The following FRAS1 variants were observed in gnomAD, a reference collection of about 807,000 sequenced individuals.
The protein encoded by FRAS1 is Fraser extracellular matrix complex subunit 1.
Under a neutral mutation model 435.2 loss-of-function variants are expected in FRAS1, and 290 were observed. The ratio of observed to expected loss-of-function variants is 0.67; its 90% confidence interval spans 0.61 to 0.73. The LOEUF (loss-of-function observed/expected upper bound fraction) is 0.73. Among genes scored for constraint, FRAS1 ranks in the 30% least tolerant of loss-of-function variants. The pLI is 0.00. For synonymous variants in FRAS1, 1,800 were observed against 1,851.0 expected (o/e 0.97, Z 0.71); for missense variants, 4,860 against 5,001.5 (o/e 0.97, Z 0.85).
intron 19 of FRAS1, among the ~76,000 whole-genome samples, chr4:78,335,158 G>A (rs2110262188): frequency 6.6e-6 from 1 of 152,248 alleles, no homozygotes; most frequent in Non-Finnish European, 1.5e-5. Flanking sequence ...GTACTGCTCT[G>A]GTTGTCAATT....
In FRAS1 at chr4:78,175,848, C is replaced by T. The variant is rs114388499; in HGVS notation, c.109-61662C>T. 4.4e-3 allele frequency among the ~76,000 whole-genome samples: 668 copies of T among 152,232 alleles called. 6 individuals are homozygous for T. Among genetic ancestry groups the T allele is most frequent in the African/African-American group, 0.016 (648 of 41,532 alleles). ...CCAAATCCTTCTGGAAGCCTGCTGA[C>T]GTGGTCCATGCAGGCCAGCATGCCT... On this transcript the variant is annotated intron_variant, in intron 2 of 73. Transcript: ENST00000512123.
chr4:78,065,121 TTATACTATATATTATATA>T (rs1560504391), intron 1 of FRAS1, among the ~76,000 whole-genome samples: 1 of 133,334 alleles, frequency 7.5e-6, no homozygotes, highest in Non-Finnish European at 1.6e-5. Flanking sequence ...CATATGCTAT[TTATACTATATATTATATA>T]TATACTATAT....
intron 2 of FRAS1, among the ~76,000 whole-genome samples, chr4:78,101,645 G>C (rs889265271): frequency 5.3e-5 from 8 of 152,050 alleles, no homozygotes; most frequent in Admixed American, 3.3e-4. Context: ...GAATTTCCAG[G>C]CCTGATATTC....
Position 78,522,696 on chromosome 4 carries a change from G to A in FRAS1, c.10696G>A (p.Val3566Ile), listed in dbSNP as rs931606. 0.54 allele frequency: 874,198 copies of A among 1,606,372 alleles called. 239,713 individuals are homozygous for A. Among genetic ancestry groups the A allele is most frequent in the Middle Eastern group, 0.61 (3,689 of 6,050 alleles). Residue 3566 changes from valine (V) to isoleucine (I), a missense_variant, in exon 69 of 74, where the codon GTA becomes ATA. Val to Ile is a conservative substitution (Grantham distance 29, BLOSUM62 3). Coordinates refer to ENST00000512123, the MANE Select transcript of FRAS1 (RefSeq NM_025074.7). ...CACTCTCCCAGAAGTGAAATCTTTC[G>A]TATTGACTCCAGACCACCTAGGAGG... ...HHTLPEVKSF[V>I]LTPDHLGGIE...
At chr4:78,069,018 A>C (rs1215185552) in intron 2 of FRAS1, among the ~76,000 whole-genome samples, 1 of 152,218 alleles carries the variant, frequency 6.6e-6, no homozygotes, top group African/African-American at 2.4e-5. Context: ...ATATGATTCT[A>C]GGATTCTCTG....
intron 15 of FRAS1, among the ~76,000 whole-genome samples, chr4:78,314,467 C>G (rs1390442384): frequency 6.6e-6 from 1 of 152,174 alleles, no homozygotes; most frequent in Non-Finnish European, 1.5e-5. Flanking sequence ...GATTCATGCT[C>G]CTTGCCATGG....
chr4:78,245,777 G>T (rs1725214030), intron 4 of FRAS1, among the ~76,000 whole-genome samples: 1 of 152,140 alleles, frequency 6.6e-6, no homozygotes, highest in Non-Finnish European at 1.5e-5. Context: ...CTGGTCTTCT[G>T]ACTCCTAATT....
Position 78,375,845 on chromosome 4 carries a change from C to A in FRAS1, c.3258C>A (p.Gly1086=). The change falls in exon 26 of 74, where the codon GGC becomes GGA. Residue 1086 remains glycine, a synonymous_variant. Coordinates refer to ENST00000512123, the MANE Select transcript of FRAS1 (RefSeq NM_025074.7). ...SGLCVYNCVP[G]FSVHTSNETC... is the part of the protein sequence containing the mutation. ...TCTGTGTTTACAACTGTGTTCCTGG[C>A]TTTTCTGTCCACACCTCTAATGAAA... 6.2e-7 allele frequency: 1 copy of A among 1,613,830 alleles called. No homozygotes were observed.
At chr4:78,378,523 T>G (rs1731875188) in intron 26 of FRAS1, among the ~76,000 whole-genome samples, 1 of 152,122 alleles carries the variant, frequency 6.6e-6, no homozygotes, top group African/African-American at 2.4e-5. Flanking sequence ...GACTACACCA[T>G]TTTACACTCC....
intron 38 of FRAS1, among the ~76,000 whole-genome samples, chr4:78,437,442 C>CT (rs1734473466): frequency 6.6e-6 from 1 of 152,304 alleles, no homozygotes; most frequent in East Asian, 1.9e-4. Context: ...TTAGGGAAAA[C>CT]TTTCTGAAGT....
chr4:78,257,326 A>G (rs955761768), intron 6 of FRAS1, among the ~76,000 whole-genome samples: 2 of 152,198 alleles, frequency 1.3e-5, no homozygotes, highest in Admixed American at 1.3e-4. Flanking sequence ...TGCAAAAGTA[A>G]TGGCCATTAC....
intron 20 of FRAS1, among the ~76,000 whole-genome samples, chr4:78,347,787 GTTT>G (rs554835851): frequency 0.25 from 13,771 of 54,832 alleles, 756 homozygotes; most frequent in Non-Finnish European, 0.28. Flanking sequence ...GTGTGTGTGT[GTTT>G]TTTTTTTTTT....
chr4:78,506,527 A>T (rs913380405), intron 61 of FRAS1, among the ~76,000 whole-genome samples: 1 of 135,748 alleles, frequency 7.4e-6, no homozygotes, highest in Non-Finnish European at 1.6e-5. Context: ...AGCAGCGAGC[A>T]AAGCTCCATG....
intron 4 of FRAS1, among the ~76,000 whole-genome samples, chr4:78,250,454 A>G (rs1371256688): frequency 6.6e-6 from 1 of 152,180 alleles, no homozygotes; most frequent in East Asian, 1.9e-4. Flanking sequence ...AATATTTTCA[A>G]TTTCACTATA....
chr4:78,203,405 C>A (rs1723126145), intron 2 of FRAS1, among the ~76,000 whole-genome samples: 1 of 152,080 alleles, frequency 6.6e-6, no homozygotes, highest in South Asian at 2.1e-4. Flanking sequence ...TTGTAACCCC[C>A]AAATCAATAC....
At chr4:78,127,971 C>T (rs113497393) in intron 2 of FRAS1, among the ~76,000 whole-genome samples, 40 of 145,498 alleles carry the variant, frequency 2.7e-4, no homozygotes, top group African/African-American at 9.4e-4. Context: ...TCTCATTGTT[C>T]GATTCCCACC....
At chr4:78,453,382 T>G (rs1719085850) in intron 47 of FRAS1, among the ~76,000 whole-genome samples, 1 of 152,132 alleles carries the variant, frequency 6.6e-6, no homozygotes, top group Non-Finnish European at 1.5e-5. Context: ...TTCCTGTACC[T>G]AGTAAGCATT....
chr4:78,078,771 G>C (rs916520470), intron 2 of FRAS1, among the ~76,000 whole-genome samples: 3 of 152,020 alleles, frequency 2.0e-5, no homozygotes, highest in African/African-American at 2.4e-5. Context: ...GTTTACATAA[G>C]AGAAAATACA....
At chr4:78,138,302 G>C (rs1206996983) in intron 2 of FRAS1, among the ~76,000 whole-genome samples, 1 of 152,192 alleles carries the variant, frequency 6.6e-6, no homozygotes, top group East Asian at 1.9e-4. Flanking sequence ...GCTAAGAAAA[G>C]TAAGGAAGGC....
Sources: gnomAD v4.1 joint callset for allele counts (sites outside exome capture counted in the v4.1 genomes callset) on GRCh38, gnomAD v4.1.1 for gene constraint, MANE v1.5 for transcripts, NCBI Gene and HGNC (gene_info 2026-07-23, HGNC 2026-07-21) for gene names.